Variants in VWA8 observed in about 807,000 individuals in gnomAD.
The protein encoded by VWA8 is von Willebrand factor A domain containing 8, also known as von Willebrand factor A domain-containing protein 8.
Under a neutral mutation model 241.5 loss-of-function variants are expected in VWA8, and 221 were observed. That is an observed-to-expected ratio of 0.91 (90% CI 0.82 to 1.02). The LOEUF (loss-of-function observed/expected upper bound fraction) is 1.02. Among genes scored for constraint, VWA8 ranks in the 50% least tolerant of loss-of-function variants. The pLI is 0.00. For missense variants in VWA8, 2,322 were observed against 2,328.7 expected (o/e 1.00, Z 0.06); for synonymous variants, 852 against 827.1 (o/e 1.03, Z -0.52).
At chr13:41,767,321 C>A (rs2045785668) in intron 20 of VWA8, among the ~76,000 whole-genome samples, 1 of 152,160 alleles carries the variant, frequency 6.6e-6, no homozygotes, top group South Asian at 2.1e-4. Flanking sequence ...CCTTCTAATT[C>A]TTTGCTTAAA....
intron 21 of VWA8, among the ~76,000 whole-genome samples, chr13:41,752,511 A>G (rs2045663811): frequency 6.6e-6 from 1 of 152,200 alleles, no homozygotes; most frequent in South Asian, 2.1e-4. Context: ...AGACACTGCC[A>G]AACAAAATGA....
intron 12 of VWA8, among the ~76,000 whole-genome samples, chr13:41,840,610 T>A (rs1020519442): frequency 1.3e-5 from 2 of 151,848 alleles, no homozygotes; most frequent in African/African-American, 4.8e-5. Flanking sequence ...CTACAAAAAA[T>A]TTGCCAGATA....
intron 12 of VWA8, among the ~76,000 whole-genome samples, chr13:41,846,092 C>G (rs997371367): frequency 3.3e-5 from 5 of 150,200 alleles, no homozygotes; most frequent in Admixed American, 6.6e-5. Context: ...ATTGTCCTGG[C>G]TAACTATTCA....
At position 41,589,911 on chromosome 13, in the gene VWA8, A is replaced by T. The variant is rs143132825; in HGVS notation, c.5112+729T>A. Among the ~76,000 whole-genome samples, 219 of 152,296 alleles carry T rather than the reference A, an allele frequency of 1.4e-3. 3 individuals carry two copies. Among genetic ancestry groups the T allele is most frequent in the African/African-American group, 5.0e-3 (209 of 41,556 alleles). On this transcript the variant is annotated intron_variant, in intron 41 of 44. Transcript: ENST00000379310. ...TTTCCCTTAAGAAGAAGGGTACATA[A>T]GCATCTGTACTTCACTGTGTGGAGG...
At chr13:41,722,056 C>A (rs895820946) in intron 24 of VWA8, among the ~76,000 whole-genome samples, 2 of 152,132 alleles carry the variant, frequency 1.3e-5, no homozygotes, top group Non-Finnish European at 2.9e-5. Context: ...GCCTTTTTAA[C>A]TTCAACAAAT....
At chr13:41,913,392 G>A (rs1397239545) in intron 2 of VWA8, among the ~76,000 whole-genome samples, 2 of 152,078 alleles carry the variant, frequency 1.3e-5, no homozygotes, top group Admixed American at 6.5e-5. Context: ...TTATTATGTT[G>A]CATTTTATAC....
intron 37 of VWA8, among the ~76,000 whole-genome samples, chr13:41,619,643 C>T (rs1376278849): frequency 6.6e-6 from 1 of 152,136 alleles, no homozygotes; most frequent in Non-Finnish European, 1.5e-5. Context: ...AGATACGTTC[C>T]ATCAATATCT....
In VWA8 at chr13:41,621,272, C is replaced by G. The variant is rs185453651; in HGVS notation, c.4612-6188G>C. ...TCAACTGTGGGCTAATGTAAGTGCTCTGAGCATGTTTAAGATAGGCTAGGC... is the reference window on the plus strand; with the variant it reads ...TCAACTGTGGGCTAATGTAAGTGCTGTGAGCATGTTTAAGATAGGCTAGGC... On this transcript the variant is annotated intron_variant, in intron 37 of 44. Transcript: ENST00000379310. 9.2e-4 allele frequency among the ~76,000 whole-genome samples: 140 copies of G among 152,256 alleles called. 1 individual carries two copies. The South Asian group carries it at 0.015, about 16-fold the overall frequency.
chr13:41,831,488 T>C (rs1360923084), intron 13 of VWA8, among the ~76,000 whole-genome samples: 1 of 152,190 alleles, frequency 6.6e-6, no homozygotes, highest in African/African-American at 2.4e-5. Flanking sequence ...AAATGGATGC[T>C]TATAGCTGTT....
In VWA8 at chr13:41,858,750, TAAAC is replaced by T. The variant is rs555917777; in HGVS notation, c.1425+6982_1425+6985del. Among the ~76,000 whole-genome samples the T allele has an allele frequency of 1.4e-3, 213 of 152,032 alleles. 1 individual carries two copies. Among genetic ancestry groups the T allele is most frequent in the African/African-American group, 4.7e-3 (195 of 41,468 alleles). On this transcript the variant is annotated intron_variant, in intron 12 of 44. Coordinates refer to ENST00000379310, the MANE Select transcript of VWA8 (RefSeq NM_015058.2). ...CAGTATATACATGGTTCTTGAAAAA[TAAAC>T]TTTATAATTAAAGAAATCTGTAGGA... is the stretch of plus-strand genomic sequence containing the variant.
chr13:41,667,482 T>C (rs1279518189), intron 37 of VWA8, among the ~76,000 whole-genome samples: 3 of 152,324 alleles, frequency 2.0e-5, no homozygotes, highest in Middle Eastern at 3.4e-3. Flanking sequence ...ATTGCAACCA[T>C]TGTTAAAGAA....
At chr13:41,600,878 A>G (rs1200912939) in intron 40 of VWA8, among the ~76,000 whole-genome samples, 19 of 151,750 alleles carry the variant, frequency 1.3e-4, no homozygotes. Flanking sequence ...TTCCATTTTC[A>G]TTTCAATTAC....
At chr13:41,909,116 G>A (rs937095094) in intron 3 of VWA8, among the ~76,000 whole-genome samples, 4 of 150,788 alleles carry the variant, frequency 2.7e-5, no homozygotes, top group African/African-American at 7.3e-5. Context: ...ACAGTGGTGC[G>A]ATCTCAGCTC....
At chr13:41,598,834 T>G (rs1269717053) in intron 40 of VWA8, among the ~76,000 whole-genome samples, 1 of 152,090 alleles carries the variant, frequency 6.6e-6, no homozygotes, top group Non-Finnish European at 1.5e-5. Context: ...AGGATTTTTT[T>G]TTTTTTAATT....
chr13:41,794,203 A>G (rs548722702), intron 17 of VWA8, among the ~76,000 whole-genome samples: 2 of 152,288 alleles, frequency 1.3e-5, no homozygotes, highest in East Asian at 1.9e-4. Flanking sequence ...TGGGAATAAC[A>G]TTGAATCTAT....
intron 17 of VWA8, among the ~76,000 whole-genome samples, chr13:41,808,390 G>T (rs1343162324): frequency 6.6e-6 from 1 of 152,140 alleles, no homozygotes; most frequent in African/African-American, 2.4e-5. Context: ...GAGGCTTTAG[G>T]AAACTTAAAA....
intron 42 of VWA8, among the ~76,000 whole-genome samples, chr13:41,584,924 T>C (rs2044406861): frequency 6.6e-6 from 1 of 152,114 alleles, no homozygotes. Flanking sequence ...CACCGAACCT[T>C]CTATCAGAAT....
At chr13:41,599,028 T>C (rs2044505669) in intron 40 of VWA8, among the ~76,000 whole-genome samples, 1 of 152,138 alleles carries the variant, frequency 6.6e-6, no homozygotes, top group African/African-American at 2.4e-5. Context: ...AGGGATATGA[T>C]TTGTTCATTC....
At chr13:41,784,233 A>G (rs1252228570) in intron 18 of VWA8, among the ~76,000 whole-genome samples, 1 of 152,168 alleles carries the variant, frequency 6.6e-6, no homozygotes, top group Non-Finnish European at 1.5e-5. Context: ...TACATAAGTT[A>G]AATACACCTA....
Sources: gnomAD v4.1 joint callset for allele counts (sites outside exome capture counted in the v4.1 genomes callset) on GRCh38, gnomAD v4.1.1 for gene constraint, MANE v1.5 for transcripts, NCBI Gene and HGNC (gene_info 2026-07-23, HGNC 2026-07-21) for gene names.